DLGAP4: variants seen among roughly 807,000 people sequenced by gnomAD.
DLGAP4 encodes the protein disks large-associated protein 4.
In DLGAP4, 18 loss-of-function variants were observed where a neutral mutation model predicts 86.9. That is an observed-to-expected ratio of 0.21 (90% CI 0.14 to 0.31). DLGAP4 has a LOEUF of 0.31. DLGAP4 is among the 10% of genes least tolerant of loss of function. The pLI is 1.00. For synonymous variants in DLGAP4, 548 were observed against 574.3 expected, an observed-to-expected ratio of 0.95 and a Z score of 0.65; for missense variants, 1,085 against 1,362.6, an observed-to-expected ratio of 0.80 and a Z score of 3.21.
chr20:36,493,627 T>C (rs977242240), intron 7 of DLGAP4, among the ~76,000 whole-genome samples: 7 of 152,138 alleles, frequency 4.6e-5, no homozygotes, highest in African/African-American at 1.7e-4. Context: ...TGTAGGGATG[T>C]GGTGATGAGT....
At chr20:36,523,550 AGGGATTTC>A (rs1345562196) in intron 10 of DLGAP4, among the ~76,000 whole-genome samples, 2 of 152,242 alleles carry the variant, frequency 1.3e-5, no homozygotes, top group East Asian at 3.8e-4. Context: ...TATATAAAAA[AGGGATTTC>A]CTGTTCTTTG....
chr20:36,434,810 A>G (rs2033225393), intron 3 of DLGAP4, among the ~76,000 whole-genome samples: 1 of 152,200 alleles, frequency 6.6e-6, no homozygotes, highest in African/African-American at 2.4e-5. Flanking sequence ...AGAATGGTGC[A>G]GTACCTGTGT....
intron 7 of DLGAP4, chr20:36,462,573 C>G (rs2034143175): frequency 3.1e-6 from 5 of 1,601,008 alleles, no homozygotes; most frequent in Non-Finnish European, 4.3e-6. Flanking sequence ...GCCCTCATGG[C>G]TTTGTGTCTG....
At chr20:36,398,100 G>T (rs528261180) in intron 2 of DLGAP4, among the ~76,000 whole-genome samples, 1 of 152,160 alleles carries the variant, frequency 6.6e-6, no homozygotes. Flanking sequence ...CAGCCTGGGC[G>T]ACAAAAAAAC....
At position 36,431,387 on chromosome 20, in the gene DLGAP4, C is replaced by T. The variant is rs2147539004; in HGVS notation, c.-72-259C>T. On this transcript the variant is annotated intron_variant, in intron 2 of 12. Transcript: ENST00000339266. This position sits in a 1 kb window ranked among gnomAD's most constrained non-coding sequence, Gnocchi z 5.1. ...AACTCTGAGTCTGAGCCTGGTTTTC[C>T]AGGTTGTTTTAAAGATACAGTCCTC... 6.6e-6 allele frequency among the ~76,000 whole-genome samples: 1 copy of T among 152,222 alleles called. No homozygotes were observed. Among genetic ancestry groups the T allele is most frequent in the African/African-American group, 2.4e-5 (1 of 41,530 alleles).
In DLGAP4 at chr20:36,496,942, C is replaced by T; in HGVS notation, c.1886C>T (p.Ala629Val). 1.2e-6 allele frequency: 2 copies of T among 1,614,136 alleles called. No homozygotes were observed. Among genetic ancestry groups the T allele is most frequent in the Non-Finnish European group, 1.7e-6 (2 of 1,180,022 alleles). Residue 629 changes from alanine (A) to valine (V), a missense_variant, in exon 8 of 13, where the codon GCC becomes GTC. Coordinates refer to ENST00000339266, the MANE Select transcript of DLGAP4 (RefSeq NM_001365621.2). ...GTGACACGGGGTGGAGTCGCCCCAGCCCCTGAGGCCCCAGAGCCACCCCCA... is the reference window on the plus strand; with the variant it reads ...GTGACACGGGGTGGAGTCGCCCCAGTCCCTGAGGCCCCAGAGCCACCCCCA... ...PSVTRGGVAP[A>V]PEAPEPPPKH...
Position 36,431,674 on chromosome 20 carries a change from G to T in DLGAP4, c.-44G>T. 1 of 1,522,074 alleles carries T rather than the reference G, an allele frequency of 6.6e-7. No individual in the cohort carries two copies. Among genetic ancestry groups the T allele is most frequent in the Non-Finnish European group, 8.8e-7 (1 of 1,135,174 alleles). The allele number at this position is 1,522,074 out of a possible 1,614,324, so 94.3% of individuals were successfully genotyped here. ...AGCTGCCGCCCGGGAGAGGTGACCC[G>T]GGCGCCCTGCTAGGGTGAAGGCCCC... is the stretch of plus-strand genomic sequence containing the variant. On this transcript the variant is annotated 5_prime_UTR_variant, in exon 3 of 13. Transcript: ENST00000339266. The surrounding 1 kb of genome is among the most constrained non-coding windows in gnomAD (Gnocchi z 5.1).
At chr20:36,461,112 A>C (rs1171929415) in intron 7 of DLGAP4, among the ~76,000 whole-genome samples, 2 of 151,970 alleles carry the variant, frequency 1.3e-5, no homozygotes, top group Admixed American at 6.5e-5. Context: ...AACTGGTGGG[A>C]ACTCCCGCCT....
At chr20:36,409,430 T>C (rs1164576374) in intron 2 of DLGAP4, among the ~76,000 whole-genome samples, 1 of 118,952 alleles carries the variant, frequency 8.4e-6, no homozygotes. Flanking sequence ...TTTTTTTTTT[T>C]AACTCTAAAG....
At chr20:36,488,276 C>T (rs369705752) in intron 7 of DLGAP4, among the ~76,000 whole-genome samples, 1 of 151,720 alleles carries the variant, frequency 6.6e-6, no homozygotes, top group African/African-American at 2.4e-5. Flanking sequence ...ACCCTGGTTT[C>T]AGGCCGCGGC....
At chr20:36,504,892 G>T (rs1359701855) in intron 10 of DLGAP4, among the ~76,000 whole-genome samples, 1 of 152,058 alleles carries the variant, frequency 6.6e-6, no homozygotes, top group East Asian at 1.9e-4. Flanking sequence ...TATTATGGGT[G>T]CTAGACCCTC....
chr20:36,421,737 G>A lies in DLGAP4; in HGVS notation c.-72-9909G>A, dbSNP rs536286400. Reference sequence around the variant, plus strand: ...GGATGATGTTGTCATGAGTAGAATCGGGGCAGACTGTGGGCGGAGCAGGTC... The same window carrying A: ...GGATGATGTTGTCATGAGTAGAATCAGGGCAGACTGTGGGCGGAGCAGGTC... On this transcript the variant is annotated intron_variant, in intron 2 of 12. Transcript: ENST00000339266. Among the ~76,000 whole-genome samples, 55 of 152,170 alleles carry A rather than the reference G, an allele frequency of 3.6e-4. 1 individual carries two copies. The highest frequency in any genetic ancestry group is 1.2e-3 in the African/African-American group (51 of 41,520).
At chr20:36,447,516 G>A (rs1355969717) in intron 7 of DLGAP4, among the ~76,000 whole-genome samples, 1 of 152,180 alleles carries the variant, frequency 6.6e-6, no homozygotes, top group Non-Finnish European at 1.5e-5. Flanking sequence ...TGCCTCCCAG[G>A]TTCAAGCAAT....
chr20:36,482,967 C>T (rs564091909), intron 7 of DLGAP4, among the ~76,000 whole-genome samples: 6 of 152,274 alleles, frequency 3.9e-5, no homozygotes, highest in East Asian at 1.9e-4. Context: ...CCACCATGCC[C>T]GGCCAAATGG....
At chr20:36,381,113 C>A (rs540083138) in intron 2 of DLGAP4, among the ~76,000 whole-genome samples, 1 of 152,226 alleles carries the variant, frequency 6.6e-6, no homozygotes, top group Admixed American at 6.5e-5. Flanking sequence ...TAATCGGCAA[C>A]CTTTCAATAA....
At chr20:36,358,825 G>T (rs1195718073) in intron 1 of DLGAP4, among the ~76,000 whole-genome samples, 4 of 152,058 alleles carry the variant, frequency 2.6e-5, no homozygotes, top group African/African-American at 9.7e-5. Flanking sequence ...ATAAAAAAAA[G>T]AAAAAGTTAA....
chr20:36,428,508 G>T (rs1355613966), intron 2 of DLGAP4, among the ~76,000 whole-genome samples: 3 of 152,336 alleles, frequency 2.0e-5, no homozygotes, highest in South Asian at 4.1e-4. Flanking sequence ...TGGAAGCTGG[G>T]CCATGCTGGG....
At chr20:36,324,619 G>A (rs1555890892) in intron 1 of DLGAP4, among the ~76,000 whole-genome samples, 2 of 152,118 alleles carry the variant, frequency 1.3e-5, no homozygotes, top group East Asian at 1.9e-4. Context: ...CACCCCTTTC[G>A]AAAATCAATT....
intron 7 of DLGAP4, among the ~76,000 whole-genome samples, chr20:36,474,083 A>T (rs1320053201): frequency 1.3e-5 from 2 of 152,250 alleles, no homozygotes; most frequent in Admixed American, 1.3e-4. Flanking sequence ...GCAAAGCACT[A>T]AGCACAGTGC....
Sources: gnomAD v4.1 joint callset for allele counts (sites outside exome capture counted in the v4.1 genomes callset) on GRCh38, gnomAD v4.1.1 for gene constraint, Gnocchi (gnomAD v3.1) non-coding constraint, MANE v1.5 for transcripts, NCBI Gene and HGNC (gene_info 2026-07-23, HGNC 2026-07-21) for gene names.